Variants in PACSIN1 observed in about 807,000 individuals in gnomAD.
The protein encoded by PACSIN1 is protein kinase C and casein kinase substrate in neurons protein 1.
PACSIN1 carries 15 observed loss-of-function variants against 59.5 expected under a neutral mutation model. The observed-to-expected ratio is 0.25, with a 90% CI of 0.17 to 0.39. PACSIN1 has a LOEUF of 0.39. Among genes scored for constraint, PACSIN1 ranks in the 10% least tolerant of loss-of-function variants. PACSIN1 has a pLI of 1.00. For missense variants in PACSIN1, 420 were observed against 580.2 expected (o/e 0.72, Z 2.84); for synonymous variants, 210 against 220.6 (o/e 0.95, Z 0.42).
rs1399980531 is a variant in PACSIN1 at position 34,515,824 on chromosome 6, C to T, written c.-63-10419C>T. Among the ~76,000 whole-genome samples, 1 of 152,206 alleles carries T rather than the reference C, an allele frequency of 6.6e-6. No homozygotes were observed. Among genetic ancestry groups the T allele is most frequent in the Non-Finnish European group, 1.5e-5 (1 of 68,030 alleles). ...CCCTCTGCTGCATTGCTCCTGGGGA[C>T]AGACTCGCTGCTGCTGGGGGAGCTC... On this transcript the variant is annotated intron_variant, in intron 1 of 9. Coordinates refer to ENST00000244458, the MANE Select transcript of PACSIN1 (RefSeq NM_020804.5). The surrounding 1 kb of genome is among the most constrained non-coding windows in gnomAD (Gnocchi z 4.4).
At chr6:34,527,310 G>A (rs372399437) in intron 2 of PACSIN1, 22 bp from the exon 3 acceptor site, 77 of 1,524,980 alleles carry the variant, frequency 5.0e-5, no homozygotes, top group South Asian at 1.2e-4. Context: ...CGCGGGAGTG[G>A]TGCTCGCTGC....
At chr6:34,467,640 C>T (rs1766515638) in intron 1 of PACSIN1, among the ~76,000 whole-genome samples, 1 of 146,856 alleles carries the variant, frequency 6.8e-6, no homozygotes, top group South Asian at 2.2e-4. Flanking sequence ...CTCACCGCAA[C>T]CTCTGCCTCC....
intron 1 of PACSIN1, among the ~76,000 whole-genome samples, chr6:34,490,357 A>G (rs1316549754): frequency 4.1e-5 from 6 of 147,756 alleles, no homozygotes; most frequent in Non-Finnish European, 8.9e-5. Flanking sequence ...GTCAGCCACC[A>G]TGCCCAGCTC....
intron 1 of PACSIN1, among the ~76,000 whole-genome samples, chr6:34,497,681 C>T (rs947457054): frequency 4.6e-5 from 7 of 152,186 alleles, no homozygotes; most frequent in African/African-American, 1.7e-4. Context: ...CTCTCTCGAT[C>T]CCTCCCACGC....
At chr6:34,528,293 C>T (rs1045372789) in intron 3 of PACSIN1, among the ~76,000 whole-genome samples, 2 of 152,238 alleles carry the variant, frequency 1.3e-5, no homozygotes, top group Non-Finnish European at 2.9e-5. Flanking sequence ...GTGTGCTTGG[C>T]GCTGTGCTGG....
chr6:34,528,889 G>GT lies in PACSIN1; in HGVS notation c.456+13dup. 6.7e-7 allele frequency: 1 copy of GT among 1,482,746 alleles called. No individual in the cohort carries two copies. Among genetic ancestry groups the GT allele is most frequent in the Non-Finnish European group, 9.4e-7 (1 of 1,069,046 alleles). 91.8% of individuals were successfully genotyped at this position (1,482,746 alleles called of 1,614,324 possible). A position where few individuals can be genotyped will look rare whatever the true frequency, so the allele number is the denominator to read the frequency against. ...AGAAGATGAAGGAGGTGCTCAGTGG[G>GT]TGCTGCCACGGGCGGGGTGGGGTGG... On this transcript the variant is annotated intron_variant, in intron 4 of 9. Transcript: ENST00000244458.
rs1767296360 is a variant in PACSIN1, at chr6:34,516,570, T to C, written c.-63-9673T>C. Among the ~76,000 whole-genome samples the C allele has an allele frequency of 6.6e-6, 1 of 152,130 alleles. No individual in the cohort carries two copies. Among genetic ancestry groups the C allele is most frequent in the Non-Finnish European group, 1.5e-5 (1 of 68,006 alleles). On this transcript the variant is annotated intron_variant, in intron 1 of 9. Transcript: ENST00000244458. This position sits in a 1 kb window ranked among gnomAD's most constrained non-coding sequence, Gnocchi z 5.4. ...CGTCAGCGGCCGCCCCCACCTCCAC[T>C]GGAGCAGGGGCTGGTGAGGCCTGGA... is the stretch of plus-strand genomic sequence containing the variant.
intron 1 of PACSIN1, among the ~76,000 whole-genome samples, chr6:34,523,569 A>C (rs1767434125): frequency 6.6e-6 from 1 of 152,272 alleles, no homozygotes; most frequent in Non-Finnish European, 1.5e-5. Flanking sequence ...GAGAGAAGGC[A>C]GATGGGCCTG....
In PACSIN1 at chr6:34,531,470, C is replaced by T; in HGVS notation, c.1038-130C>T. 1.1e-6 allele frequency: 1 copy of T among 871,574 alleles called. No individual in the cohort carries two copies. Among genetic ancestry groups the T allele is most frequent in the Non-Finnish European group, 1.8e-6 (1 of 547,904 alleles). The allele number at this position is 871,574 out of a possible 1,614,324, so 54.0% of individuals were successfully genotyped here. On this transcript the variant is annotated intron_variant, in intron 8 of 9. Transcript: ENST00000244458. The surrounding 1 kb of genome is among the most constrained non-coding windows in gnomAD (Gnocchi z 4.4). ...TTTAAAGAGCTCATGAGGGTCACCCCTCCTATGTGGCCAATCCTTGCTCTA... is the reference window on the plus strand; with the variant it reads ...TTTAAAGAGCTCATGAGGGTCACCCTTCCTATGTGGCCAATCCTTGCTCTA...
chr6:34,504,290 ATT>A (rs368149319), intron 1 of PACSIN1, among the ~76,000 whole-genome samples: 2,013 of 93,866 alleles, frequency 0.021, 44 homozygotes, highest in Admixed American at 0.087. Context: ...ATATATATAT[ATT>A]TTTTTTTTTT....
intron 1 of PACSIN1, among the ~76,000 whole-genome samples, chr6:34,507,973 C>T (rs1021584500): frequency 1.3e-5 from 2 of 152,098 alleles, no homozygotes; most frequent in South Asian, 4.1e-4. Flanking sequence ...AGATTGTTTC[C>T]ACATCTTGGT....
chr6:34,499,018 A>T (rs963654837), intron 1 of PACSIN1, among the ~76,000 whole-genome samples: 32 of 152,112 alleles, frequency 2.1e-4, no homozygotes, highest in Admixed American at 1.2e-3. Context: ...GCACATTACA[A>T]TTATAGGGTA....
intron 1 of PACSIN1, among the ~76,000 whole-genome samples, chr6:34,503,611 C>T (rs1431476619): frequency 6.6e-6 from 1 of 152,140 alleles, no homozygotes; most frequent in Non-Finnish European, 1.5e-5. Context: ...GCTAGGGGTG[C>T]TCACAGAAGT....
intron 1 of PACSIN1, among the ~76,000 whole-genome samples, chr6:34,519,724 T>C (rs1244474771): frequency 6.6e-6 from 1 of 152,094 alleles, no homozygotes; most frequent in Non-Finnish European, 1.5e-5. Context: ...GGGTAGGTGC[T>C]ATCCCATGGG....
chr6:34,478,408 T>C lies in PACSIN1; in HGVS notation c.-64+12138T>C, dbSNP rs1443559763. Among the ~76,000 whole-genome samples the C allele has an allele frequency of 3.9e-5, 5 of 129,534 alleles. No homozygotes were observed. In the Admixed American group the frequency reaches 4.3e-4, roughly 11 times the overall value. The allele number at this position is 129,534 out of a possible 152,430, so 85.0% of individuals were successfully genotyped here. A position where few individuals can be genotyped will look rare whatever the true frequency, so the allele number is the denominator to read the frequency against. On this transcript the variant is annotated intron_variant, in intron 1 of 9. Coordinates refer to ENST00000244458, the MANE Select transcript of PACSIN1 (RefSeq NM_020804.5). Reference sequence around the variant, plus strand: ...TTTTTTTTGAGATGGAGTCTCGCTCTGTCACCCAGGCTGGAGTGCAGTGGC... The same window carrying C: ...TTTTTTTTGAGATGGAGTCTCGCTCCGTCACCCAGGCTGGAGTGCAGTGGC...
intron 1 of PACSIN1, among the ~76,000 whole-genome samples, chr6:34,502,844 C>A (rs1446252868): frequency 6.6e-6 from 1 of 152,158 alleles, no homozygotes; most frequent in African/African-American, 2.4e-5. Context: ...CCCAGTCAAT[C>A]CACAGAGTCA....
chr6:34,527,431 G>A lies in PACSIN1; in HGVS notation c.163G>A (p.Ala55Thr), dbSNP rs749334598. The A allele has an allele frequency of 2.5e-6, 4 of 1,598,602 alleles. No individual in the cohort carries two copies. The African/African-American group carries it at 5.4e-5, about 21-fold the overall frequency. Residue 55 changes from alanine to threonine, a missense_variant, in exon 3 of 10, where the codon GCG (alanine) becomes ACG (threonine). Coordinates refer to ENST00000244458, the MANE Select transcript of PACSIN1 (RefSeq NM_020804.5). Reference sequence around the variant, plus strand: ...GCAGGAGCGCGCCAAGATCGAGAAGGCGTACGGGCAGCAGCTCACCGACTG... The same window carrying A: ...GCAGGAGCGCGCCAAGATCGAGAAGACGTACGGGCAGCAGCTCACCGACTG... ...CVQERAKIEK[A>T]YGQQLTDWAK... is the part of the protein sequence containing the mutation.
intron 1 of PACSIN1, among the ~76,000 whole-genome samples, chr6:34,505,243 C>T (rs1157488274): frequency 6.6e-6 from 1 of 152,048 alleles, no homozygotes; most frequent in Non-Finnish European, 1.5e-5. Flanking sequence ...TGTCATTTCT[C>T]TCTTTCTCTG....
At chr6:34,482,141 C>T (rs534874815) in intron 1 of PACSIN1, among the ~76,000 whole-genome samples, 69 of 152,158 alleles carry the variant, frequency 4.5e-4, no homozygotes, top group African/African-American at 1.6e-3. Context: ...GGCTGGAGTG[C>T]AATGGCGTGA....
Sources: gnomAD v4.1 joint callset for allele counts (sites outside exome capture counted in the v4.1 genomes callset) on GRCh38, gnomAD v4.1.1 for gene constraint, Gnocchi (gnomAD v3.1) non-coding constraint, MANE v1.5 for transcripts, NCBI Gene and HGNC (gene_info 2026-07-23, HGNC 2026-07-21) for gene names.